LIPC: variants seen among roughly 807,000 people sequenced by gnomAD.
LIPC encodes the protein lipase C, hepatic type.
Under a neutral mutation model 50.7 loss-of-function variants are expected in LIPC, and 44 were observed. The observed-to-expected ratio is 0.87, with a 90% CI of 0.68 to 1.11. The LOEUF is 1.11. Among genes scored for constraint, LIPC ranks in the 50% most tolerant of loss-of-function variants. The probability of loss-of-function intolerance (pLI) is 0.00; values close to 1 mark genes in which losing one functional copy is unlikely to be tolerated. For synonymous variants in LIPC, 271 were observed against 256.4 expected (o/e 1.06, Z -0.54); for missense variants, 697 against 648.2 (o/e 1.08, Z -0.82).
At chr15:58,504,990 A>T (rs1892099419) in intron 1 of LIPC, among the ~76,000 whole-genome samples, 3 of 152,240 alleles carry the variant, frequency 2.0e-5, no homozygotes. Context: ...AGTTATTTTC[A>T]GTCAAACCAA....
intron 1 of LIPC, among the ~76,000 whole-genome samples, chr15:58,486,292 G>A (rs1228644025): frequency 1.3e-5 from 2 of 152,192 alleles, no homozygotes; most frequent in African/African-American, 4.8e-5. Context: ...GTGACCAGCT[G>A]TCCTAGTATG....
At chr15:58,472,914 T>C (rs1278806862) in intron 1 of LIPC, among the ~76,000 whole-genome samples, 3 of 152,210 alleles carry the variant, frequency 2.0e-5, no homozygotes, top group South Asian at 2.1e-4. Flanking sequence ...TGTGTCTGAC[T>C]ACGGCTGTTA....
intron 7 of LIPC, among the ~76,000 whole-genome samples, chr15:58,561,511 T>C (rs149123147): frequency 7.1e-4 from 108 of 152,314 alleles, no homozygotes; most frequent in African/African-American, 1.8e-3. Flanking sequence ...CAGAGACAAT[T>C]GATTGTAAAT....
chr15:58,468,658 G>A (rs997420208), intron 1 of LIPC, among the ~76,000 whole-genome samples: 1 of 152,076 alleles, frequency 6.6e-6, no homozygotes, highest in Non-Finnish European at 1.5e-5. Flanking sequence ...TGTGGCAGAG[G>A]TTCTTACCCT....
intron 6 of LIPC, among the ~76,000 whole-genome samples, chr15:58,558,113 A>G (rs1158918210): frequency 2.0e-5 from 3 of 149,468 alleles, no homozygotes; most frequent in Non-Finnish European, 4.4e-5. Flanking sequence ...TTGCCCTGTC[A>G]CCAGGCTGGA....
chr15:58,566,210 G>C, intron 8 of LIPC: 1 of 985,444 alleles, frequency 1.0e-6, no homozygotes, highest in Non-Finnish European at 1.2e-6. Flanking sequence ...CCCGGGAAGT[G>C]TAAGAAGAAA....
At chr15:58,495,804 C>T (rs1281531575) in intron 1 of LIPC, among the ~76,000 whole-genome samples, 2 of 152,190 alleles carry the variant, frequency 1.3e-5, no homozygotes, top group Non-Finnish European at 2.9e-5. Flanking sequence ...ACACAGTCAG[C>T]ATCTACAAGT....
intron 1 of LIPC, among the ~76,000 whole-genome samples, chr15:58,478,143 G>T (rs1891060842): frequency 1.3e-5 from 2 of 152,188 alleles, no homozygotes; most frequent in South Asian, 2.1e-4. Context: ...GTCCAAGCTG[G>T]AAGTGATGAG....
intron 1 of LIPC, among the ~76,000 whole-genome samples, chr15:58,525,464 T>G (rs560662971): frequency 6.6e-6 from 1 of 152,234 alleles, no homozygotes; most frequent in Admixed American, 6.5e-5. Flanking sequence ...CCTTGCTCAC[T>G]GTCATGTTTT....
At chr15:58,452,793 G>A (rs1893956820) in intron 1 of LIPC, among the ~76,000 whole-genome samples, 1 of 152,186 alleles carries the variant, frequency 6.6e-6, no homozygotes, top group South Asian at 2.1e-4. Context: ...ATTTTTCAGA[G>A]CCCAACCCCC....
chr15:58,434,776 C>T (rs1268476309), intron 1 of LIPC: 4 of 152,258 alleles, frequency 2.6e-5, no homozygotes, highest in African/African-American at 9.6e-5. Flanking sequence ...CAACGCTGCT[C>T]CTAGACCCTG....
At chr15:58,442,422 A>G (rs1409659593) in intron 1 of LIPC, among the ~76,000 whole-genome samples, 2 of 152,230 alleles carry the variant, frequency 1.3e-5, no homozygotes, top group Admixed American at 6.5e-5. Flanking sequence ...CACGCAGTCA[A>G]TGACCCTTAT....
intron 1 of LIPC, chr15:58,533,187 G>C: frequency 1.0e-6 from 1 of 984,872 alleles, no homozygotes; most frequent in Non-Finnish European, 1.2e-6. Flanking sequence ...AGTTTCAGAA[G>C]GTATGCTTGG....
chr15:58,530,735 A>G (rs1471245049), intron 1 of LIPC, among the ~76,000 whole-genome samples: 8 of 152,188 alleles, frequency 5.3e-5, no homozygotes, highest in African/African-American at 1.7e-4. Flanking sequence ...GCTTTTCCAG[A>G]ACGTCCTGTA....
At chr15:58,560,562 A>G (rs1894125606) in intron 6 of LIPC, among the ~76,000 whole-genome samples, 1 of 152,256 alleles carries the variant, frequency 6.6e-6, no homozygotes, top group African/African-American at 2.4e-5. Flanking sequence ...CAGAACTTGC[A>G]TCTAGAACTC....
At chr15:58,506,931 G>A (rs770150160) in intron 1 of LIPC, among the ~76,000 whole-genome samples, 12 of 152,188 alleles carry the variant, frequency 7.9e-5, no homozygotes, top group African/African-American at 1.4e-4. Flanking sequence ...TTGCAGAGGA[G>A]GAAGCAAACA....
chr15:58,554,668 G>A (rs1299624560), intron 6 of LIPC, among the ~76,000 whole-genome samples: 1 of 152,018 alleles, frequency 6.6e-6, no homozygotes, highest in African/African-American at 2.4e-5. Flanking sequence ...GCCAATGCAG[G>A]AGGATTGTGT....
At chr15:58,563,172 G>C (rs144831345) in intron 7 of LIPC, among the ~76,000 whole-genome samples, 5 of 152,164 alleles carry the variant, frequency 3.3e-5, no homozygotes, top group African/African-American at 9.7e-5. Flanking sequence ...TCCAGACGCC[G>C]TTGCCAAAGC....
chr15:58,478,040 C>T (rs558989127), intron 1 of LIPC, among the ~76,000 whole-genome samples: 2 of 152,252 alleles, frequency 1.3e-5, no homozygotes, highest in South Asian at 2.1e-4. Flanking sequence ...TCAGCTCCTA[C>T]CCCAGAAATG....
Sources: allele counts gnomAD v4.1 joint callset (sites outside exome capture counted in the v4.1 genomes callset), GRCh38; gene constraint gnomAD v4.1.1; transcripts MANE v1.5; gene names NCBI Gene and HGNC (gene_info 2026-07-23, HGNC 2026-07-21).